Variants in SELENBP1 observed in about 807,000 individuals in gnomAD.
The protein encoded by SELENBP1 is methanethiol oxidase.
A neutral mutation model predicts 61.0 loss-of-function variants in SELENBP1; 71 were observed. The ratio of observed to expected loss-of-function variants is 1.16; its 90% confidence interval spans 0.96 to 1.42. The LOEUF (loss-of-function observed/expected upper bound fraction) is 1.42, where lower values mean the gene tolerates loss of function less well. Among genes scored for constraint, SELENBP1 ranks in the 40% most tolerant of loss-of-function variants. SELENBP1 has a pLI of 0.00. For synonymous variants in SELENBP1, 270 were observed against 238.9 expected (o/e 1.13, Z -1.20); for missense variants, 561 against 605.0 (o/e 0.93, Z 0.76).
rs896132660 is a variant in SELENBP1, at chr1:151,364,322, G to T, written c.*221C>A. The T allele has an allele frequency of 1.4e-5, 8 of 582,496 alleles. No homozygotes were observed. The highest frequency in any genetic ancestry group is 2.4e-5 in the Non-Finnish European group (8 of 331,638). 36.1% of individuals were successfully genotyped at this position (582,496 alleles called of 1,614,324 possible). On this transcript the variant is annotated 3_prime_UTR_variant, in exon 12 of 12. Coordinates refer to ENST00000368868, the MANE Select transcript of SELENBP1 (RefSeq NM_003944.4). ...GGCCATCTGAAGGACAGGGTTACGA[G>T]TTTATTTCTTGGTGCCTCCAAGAGC...
At chr1:151,369,692 T>C in intron 2 of SELENBP1, 21 bp downstream of exon 2, 1 of 1,550,474 alleles carries the variant, frequency 6.4e-7, no homozygotes, top group Non-Finnish European at 8.7e-7. Context: ...GGGCGCTGGC[T>C]CTCAGACCAT....
intron 5 of SELENBP1, among the ~76,000 whole-genome samples, chr1:151,367,907 T>C (rs1651937323): frequency 6.6e-6 from 1 of 152,222 alleles, no homozygotes; most frequent in Admixed American, 6.5e-5. Context: ...GCTCAAGCGA[T>C]CCGCTGGCCT....
At chr1:151,372,256 G>T (rs1652176392) in intron 1 of SELENBP1, among the ~76,000 whole-genome samples, 1 of 152,230 alleles carries the variant, frequency 6.6e-6, no homozygotes, top group Non-Finnish European at 1.5e-5. Flanking sequence ...GGAGTACAAA[G>T]TTGGCCCATG....
rs913292210 is a variant in SELENBP1 at position 151,365,967 on chromosome 1, C to T, written c.844-121G>A. ...AGGGAGAGAATAGATGCCCGGCCTT[C>T]TTGCCAGCAGGATCTAACTCCATGC... is the stretch of plus-strand genomic sequence containing the variant. On this transcript the variant is annotated intron_variant, in intron 7 of 11. Coordinates refer to ENST00000368868, the MANE Select transcript of SELENBP1 (RefSeq NM_003944.4). 8.4e-6 allele frequency: 9 copies of T among 1,072,184 alleles called. No homozygotes were observed. In the African/African-American group the frequency reaches 9.5e-5, roughly 11 times the overall value. The allele number at this position is 1,072,184 out of a possible 1,614,324, so 66.4% of individuals were successfully genotyped here. A position where few individuals can be genotyped will look rare whatever the true frequency, so the allele number is the denominator to read the frequency against.
chr1:151,371,998 T>TCGG (rs1222293595), intron 1 of SELENBP1, among the ~76,000 whole-genome samples: 1 of 152,108 alleles, frequency 6.6e-6, no homozygotes, highest in Admixed American at 6.5e-5. Context: ...TTCTGCCAGC[T>TCGG]CAAGAGCCAG....
chr1:151,369,253 C>CT (rs1652025318), intron 3 of SELENBP1, 64 bp from the exon 4 acceptor site: 2 of 1,443,936 alleles, frequency 1.4e-6, no homozygotes, highest in African/African-American at 5.4e-5. Flanking sequence ...GGAAGAGGCG[C>CT]CCTGTGGACT....
intron 4 of SELENBP1, 120 bp downstream of exon 4, chr1:151,368,884 C>G (rs559171349): frequency 1.3e-5 from 14 of 1,068,854 alleles, no homozygotes; most frequent in Non-Finnish European, 1.6e-5. Flanking sequence ...TCCCTGCTGC[C>G]GAGCCAGTTG....
At chr1:151,370,078 G>T in intron 1 of SELENBP1, 1 of 1,244,406 alleles carries the variant, frequency 8.0e-7, no homozygotes, top group Non-Finnish European at 1.1e-6. Context: ...CGGACTCGGG[G>T]CCCAACCCCA....
At chr1:151,365,340 G>A in intron 9 of SELENBP1, 59 bp from the exon 10 acceptor site, 2 of 1,546,492 alleles carry the variant, frequency 1.3e-6, no homozygotes, top group South Asian at 1.1e-5. Context: ...AACATTGCAG[G>A]AAGAGCAGCT....
chr1:151,364,593 G>A lies in SELENBP1; in HGVS notation c.1369C>T (p.His457Tyr). ...GKEPLGPALA[H>Y]ELRYPGGDCS... ...TCGCCCCCAGGGTAGCGGAGCTCAT[G>A]GGCAAGGGCTGGGCCAAGGGGCTCC... The change falls in exon 12 of 12, where the codon CAT becomes TAT. Residue 457 changes from histidine (H) to tyrosine (Y), a missense_variant. By Grantham distance (83) the His-to-Tyr change is moderately conservative. Transcript: ENST00000368868. 1.2e-6 allele frequency: 2 copies of A among 1,614,122 alleles called. No individual in the cohort carries two copies. The highest frequency in any genetic ancestry group is 2.2e-5 in the South Asian group (2 of 91,082).
chr1:151,368,296 A>G lies in SELENBP1; in HGVS notation c.384T>C (p.His128=), dbSNP rs145436280. The change falls in exon 5 of 12, where the codon CAT becomes CAC. Residue 128 remains histidine, a synonymous_variant. Coordinates refer to ENST00000368868, the MANE Select transcript of SELENBP1 (RefSeq NM_003944.4). The stretch of plus-strand genomic sequence containing the variant: ...GGAGAAAGGCCAGTTCGCACTTGGC[A>G]TGGATGTCCTTGGGCTCAATGACCT... The part of the protein sequence containing the change: ...LHKVIEPKDI[H]AKCELAFLHT... 1.2e-5 allele frequency: 20 copies of G among 1,614,080 alleles called. No homozygotes were observed. The highest frequency in any genetic ancestry group is 1.6e-4 in the Middle Eastern group (1 of 6,084).
In SELENBP1 at chr1:151,366,758, A is replaced by C; in HGVS notation, c.628T>G (p.Leu210Val). The C allele has an allele frequency of 6.2e-7, 1 of 1,614,118 alleles. No homozygotes were observed. Reference sequence around the variant, plus strand: ...TCAGCGGGGTTGAAGCCATCTCGTAAGACATTGGGAGCTGCCCACTCAGTG... The same window carrying C: ...TCAGCGGGGTTGAAGCCATCTCGTACGACATTGGGAGCTGCCCACTCAGTG... ...ISTEWAAPNV[L>V]RDGFNPADVE... Residue 210 changes from leucine to valine, a missense_variant, in exon 6 of 12, where the codon TTA becomes GTA. Leu to Val is a conservative substitution (Grantham distance 32, BLOSUM62 1). Coordinates refer to ENST00000368868, the MANE Select transcript of SELENBP1 (RefSeq NM_003944.4).
At chr1:151,366,949 C>T in intron 5 of SELENBP1, 45 bp from the exon 6 acceptor site, 1 of 1,595,062 alleles carries the variant, frequency 6.3e-7, no homozygotes, top group Non-Finnish European at 8.6e-7. Flanking sequence ...GCAGTAGAGA[C>T]ACTAACCCCA....
Position 151,368,258 on chromosome 1 carries a change from C to A in SELENBP1, c.422G>T (p.Cys141Phe). ...CELAFLHTSH[C>F]LASGEVMISS... ...GATCATCACTTCCCCGCTGGCCAGG[C>A]AGTGGCTGGTGTGGAGAAAGGCCAG... The change falls in exon 5 of 12, where the codon TGC becomes TTC. Residue 141 changes from cysteine to phenylalanine, a missense_variant. Cys to Phe is a radical substitution (Grantham distance 205, BLOSUM62 -2). Coordinates refer to ENST00000368868, the MANE Select transcript of SELENBP1 (RefSeq NM_003944.4). 1 of 1,614,198 alleles carries A rather than the reference C, an allele frequency of 6.2e-7. No individual in the cohort carries two copies. Among genetic ancestry groups the A allele is most frequent in the Non-Finnish European group, 8.5e-7 (1 of 1,180,030 alleles).
In SELENBP1 at chr1:151,365,231, C is replaced by T; in HGVS notation, c.1095G>A (p.Glu365=). The change falls in exon 10 of 12, where the codon GAG becomes GAA. Residue 365 remains glutamate, a synonymous_variant. Transcript: ENST00000368868. ...CTGGCTGGGACTTTAGTTCCTCGTC[C>T]TCCAGCACTTGCACAGGGCCTCCCT... ...IVKGGPVQVL[E]DEELKSQPEP... The T allele has an allele frequency of 6.2e-7, 1 of 1,613,794 alleles. No individual in the cohort carries two copies. The highest frequency in any genetic ancestry group is 2.2e-5 in the East Asian group (1 of 44,870).
intron 4 of SELENBP1, 55 bp downstream of exon 4, chr1:151,368,949 C>T (rs1651994934): frequency 6.5e-7 from 1 of 1,544,696 alleles, no homozygotes; most frequent in South Asian, 1.2e-5. Flanking sequence ...CCGTAGACTA[C>T]CTGGGGTGGC....
chr1:151,367,460 G>C (rs771585200), intron 5 of SELENBP1: 1 of 117,242 alleles, frequency 8.5e-6, no homozygotes, highest in Admixed American at 8.5e-5. Context: ...TGGCAGGGGG[G>C]CCTTTACGCC....
At position 151,364,465 on chromosome 1, in the gene SELENBP1, CAA is replaced by C. The variant is rs1341800718; in HGVS notation, c.*76_*77del. 8 of 1,582,570 alleles carry C rather than the reference CAA, an allele frequency of 5.1e-6. No homozygotes were observed. In the African/African-American group the frequency reaches 5.4e-5, roughly 11 times the overall value. On this transcript the variant is annotated 3_prime_UTR_variant, in exon 12 of 12. Transcript: ENST00000368868. ...GTACATGCTGCCAAGGGTCGGGTGC[CAA>C]GAGAGAGCAGAATGAAGCCAGGTCC...
At chr1:151,371,093 A>G (rs1652116620) in intron 1 of SELENBP1, among the ~76,000 whole-genome samples, 1 of 152,192 alleles carries the variant, frequency 6.6e-6, no homozygotes, top group South Asian at 2.1e-4. Context: ...CTTTCATAAA[A>G]ATGAATTAGG....
Sources: gnomAD v4.1 joint callset for allele counts (sites outside exome capture counted in the v4.1 genomes callset) on GRCh38, gnomAD v4.1.1 for gene constraint, MANE v1.5 for transcripts, NCBI Gene and HGNC (gene_info 2026-07-23, HGNC 2026-07-21) for gene names.